Variants in DHX36 observed in about 807,000 individuals in gnomAD.
The protein encoded by DHX36 is DEAH-box helicase 36.
Under a neutral mutation model 139.0 loss-of-function variants are expected in DHX36, and 50 were observed. The observed-to-expected ratio is 0.36, with a 90% confidence interval of 0.29 to 0.46. The LOEUF is 0.46. Ranked by LOEUF, DHX36 falls within the 20% of genes least tolerant of loss-of-function variation. The probability of loss-of-function intolerance (pLI) is 1.00; values close to 1 mark genes in which losing one functional copy is unlikely to be tolerated. For synonymous variants in DHX36, 425 were observed against 401.9 expected (o/e 1.06, Z -0.69); for missense variants, 1,024 against 1,211.3 (o/e 0.85, Z 2.29).
chr3:154,292,803 T>C (rs1446632129), intron 14 of DHX36, 109 bp from the exon 15 acceptor site: 1 of 1,449,622 alleles, frequency 6.9e-7, no homozygotes, highest in Non-Finnish European at 9.1e-7. Flanking sequence ...TAAATAGGTA[T>C]TTCAGAGCAT....
At chr3:154,278,794 A>C (rs1719239023) in intron 22 of DHX36, 1 of 152,118 alleles carries the variant, frequency 6.6e-6, no homozygotes, top group Admixed American at 6.5e-5. Context: ...CTGAAGTTCT[A>C]AGAATTCATA....
intron 24 of DHX36, 77 bp downstream of exon 24, chr3:154,276,666 CTATT>C: frequency 7.4e-7 from 1 of 1,350,782 alleles, no homozygotes; most frequent in Non-Finnish European, 1.0e-6. Context: ...AAATGTTAAT[CTATT>C]TAACAGTTAG....
chr3:154,307,198 T>C (rs533660728), intron 5 of DHX36, among the ~76,000 whole-genome samples: 13 of 152,202 alleles, frequency 8.5e-5, no homozygotes, highest in African/African-American at 2.9e-4. Flanking sequence ...AAAACTCCTT[T>C]GGACATTGGT....
At chr3:154,320,981 A>G (rs184420184) in intron 1 of DHX36, among the ~76,000 whole-genome samples, 3 of 152,314 alleles carry the variant, frequency 2.0e-5, no homozygotes, top group Admixed American at 6.5e-5. Context: ...GAAAGACTCA[A>G]TGTATCTCAA....
At chr3:154,292,950 T>G (rs1163404829) in intron 14 of DHX36, among the ~76,000 whole-genome samples, 1 of 152,072 alleles carries the variant, frequency 6.6e-6, no homozygotes, top group African/African-American at 2.4e-5. Context: ...ACAGTATTAG[T>G]TCTTCAGATC....
Position 154,304,855 on chromosome 3 carries a change from T to C in DHX36, c.1086A>G (p.Val362=). 6.2e-7 allele frequency: 1 copy of C among 1,607,146 alleles called. No homozygotes were observed. Among genetic ancestry groups the C allele is most frequent in the Non-Finnish European group, 8.5e-7 (1 of 1,178,014 alleles). The change falls in exon 8 of 25, where the codon GTA becomes GTG. Residue 362 remains valine (V), a synonymous_variant. Transcript: ENST00000496811. ...DLLNFRSDLK[V]ILMSATLNAE... ...CATTCAATGTTGCACTCATCAATAT[T>C]ACTTTCAAGTCAGATCGAAAATTGA...
At chr3:154,305,878 T>C (rs974763931) in intron 6 of DHX36, among the ~76,000 whole-genome samples, 3 of 152,128 alleles carry the variant, frequency 2.0e-5, no homozygotes, top group African/African-American at 7.2e-5. Flanking sequence ...GATATCAAAA[T>C]CAATAAAAAG....
intron 22 of DHX36, 123 bp downstream of exon 22, chr3:154,280,456 G>C (rs1439133960): frequency 2.9e-6 from 2 of 698,448 alleles, no homozygotes; most frequent in African/African-American, 3.6e-5. Context: ...ATGATTAAAA[G>C]AACAAGAATA....
intron 6 of DHX36, 76 bp downstream of exon 6, chr3:154,306,140 A>G (rs1020466837): frequency 1.1e-4 from 120 of 1,117,570 alleles, no homozygotes; most frequent in Non-Finnish European, 1.5e-4. Context: ...AATGGGGAAA[A>G]TATCCTTTCT....
chr3:154,299,070 G>A (rs767039051), intron 12 of DHX36, among the ~76,000 whole-genome samples: 1 of 151,952 alleles, frequency 6.6e-6, no homozygotes, highest in Non-Finnish European at 1.5e-5. Flanking sequence ...TCTGGAGTTC[G>A]AGACCAGCCT....
chr3:154,310,830 T>TATAC (rs1559957778), intron 4 of DHX36, among the ~76,000 whole-genome samples: 5 of 34,862 alleles, frequency 1.4e-4, no homozygotes, highest in African/African-American at 6.9e-4. Flanking sequence ...TATATATATA[T>TATAC]ATATATATAT....
chr3:154,297,816 G>C (rs1712102657), intron 12 of DHX36, among the ~76,000 whole-genome samples: 1 of 151,740 alleles, frequency 6.6e-6, no homozygotes, highest in Admixed American at 6.6e-5. Flanking sequence ...TTCTGTTGAA[G>C]ACTATATAAT....
chr3:154,277,411 A>G (rs1436043847), intron 23 of DHX36, among the ~76,000 whole-genome samples, 187 bp downstream of exon 23: 2 of 152,194 alleles, frequency 1.3e-5, no homozygotes. Context: ...TTAAAATACA[A>G]AGATCCATCA....
chr3:154,313,358 A>G (rs1214051700), intron 3 of DHX36, among the ~76,000 whole-genome samples: 1 of 152,176 alleles, frequency 6.6e-6, no homozygotes, highest in Non-Finnish European at 1.5e-5. Flanking sequence ...CTCTGAGGAC[A>G]GGAAATATCT....
chr3:154,298,862 C>A (rs968755194), intron 12 of DHX36, among the ~76,000 whole-genome samples: 1 of 152,052 alleles, frequency 6.6e-6, no homozygotes, highest in African/African-American at 2.4e-5. Context: ...TGCAGTGAGC[C>A]GAGATCGCAC....
intron 1 of DHX36, among the ~76,000 whole-genome samples, chr3:154,323,330 G>A (rs1362861538): frequency 1.3e-5 from 2 of 150,530 alleles, no homozygotes; most frequent in Non-Finnish European, 3.0e-5. Context: ...GTGAGACCCT[G>A]TCTTAAAAAA....
intron 14 of DHX36, 47 bp downstream of exon 14, chr3:154,293,701 T>TA: frequency 7.9e-6 from 11 of 1,399,208 alleles, no homozygotes; most frequent in Non-Finnish European, 1.1e-5. Flanking sequence ...TTATGGTGTT[T>TA]AAAACTTATG....
chr3:154,316,246 CTAAG>C (rs1712976259), intron 1 of DHX36, 83 bp from the exon 2 acceptor site: 2 of 1,546,512 alleles, frequency 1.3e-6, no homozygotes, highest in African/African-American at 1.4e-5. Flanking sequence ...AAAATAAAGG[CTAAG>C]TAATATATGT....
intron 24 of DHX36, 23 bp downstream of exon 24, chr3:154,276,724 G>A: frequency 8.1e-6 from 13 of 1,609,994 alleles, no homozygotes; most frequent in Non-Finnish European, 1.1e-5. Flanking sequence ...GTAGATTTAA[G>A]ATAATCACAT....
Sources: allele counts gnomAD v4.1 joint callset (sites outside exome capture counted in the v4.1 genomes callset), GRCh38; gene constraint gnomAD v4.1.1; transcripts MANE v1.5; gene names NCBI Gene and HGNC (gene_info 2026-07-23, HGNC 2026-07-21).